The following PUDP variants were observed in gnomAD, a reference collection of about 807,000 sequenced individuals.
The protein encoded by PUDP is pseudouridine 5'-phosphatase.
A neutral mutation model predicts 9.4 loss-of-function variants in PUDP; 8 were observed. The ratio of observed to expected loss-of-function variants is 0.85; its 90% CI spans 0.50 to 1.53. PUDP has a LOEUF of 1.53. Ranked by LOEUF, PUDP falls within the 40% of genes most tolerant of loss-of-function variation. The probability of loss-of-function intolerance (pLI) is 0.00; values close to 1 mark genes in which losing one functional copy is unlikely to be tolerated. For synonymous variants in PUDP, 99 were observed against 80.7 expected (o/e 1.23, Z -1.22); for missense variants, 188 against 189.7 (o/e 0.99, Z 0.05).
intron 1 of PUDP, among the ~76,000 whole-genome samples, chrX:7,111,510 G>A (rs1333818114): frequency 1.8e-5 from 2 of 108,132 alleles, no homozygotes; most frequent in Non-Finnish European, 3.8e-5. Flanking sequence ...GGGGTGGGGC[G>A]GGGGGAGATG....
intron 3 of PUDP, among the ~76,000 whole-genome samples, chrX:7,075,836 G>A (rs1370991382): frequency 9.0e-6 from 1 of 111,709 alleles, no homozygotes; most frequent in Non-Finnish European, 1.9e-5. Context: ...GTATGAAAGT[G>A]TTTTCCTGAG....
At chrX:6,833,848 C>T (rs754187544) in intron 3 of PUDP, among the ~76,000 whole-genome samples, 1 of 111,899 alleles carries the variant, frequency 8.9e-6, no homozygotes. Flanking sequence ...TTTCCATGAG[C>T]CTGACCCATA....
At chrX:7,100,336 C>T (rs1931695747) in intron 2 of PUDP, among the ~76,000 whole-genome samples, 1 of 111,140 alleles carries the variant, frequency 9.0e-6, no homozygotes, top group Admixed American at 9.6e-5. Context: ...GGTAATCTAC[C>T]ATTCACTCCG....
intron 1 of PUDP, among the ~76,000 whole-genome samples, chrX:6,990,399 C>T (rs377537582): frequency 8.9e-6 from 1 of 111,978 alleles, no homozygotes; most frequent in East Asian, 2.8e-4. Flanking sequence ...AGGGCCATGT[C>T]TTTTCTTGGG....
intron 1 of PUDP, among the ~76,000 whole-genome samples, chrX:7,006,731 A>T (rs1929408396): frequency 9.0e-6 from 1 of 111,459 alleles, no homozygotes; most frequent in Admixed American, 9.5e-5. Flanking sequence ...CAAAGGGTCC[A>T]GGAGCAAGAA....
At chrX:6,946,686 C>T (rs1486177817) in intron 3 of PUDP, among the ~76,000 whole-genome samples, 1 of 107,756 alleles carries the variant, frequency 9.3e-6, no homozygotes, top group Non-Finnish European at 1.9e-5. Flanking sequence ...GTGTATTATA[C>T]AGAAAGACGT....
chrX:6,809,009 C>T (rs189972626), intron 3 of PUDP, among the ~76,000 whole-genome samples: 5 of 111,678 alleles, frequency 4.5e-5, no homozygotes, highest in Non-Finnish European at 7.5e-5. Context: ...GGGCTGGACA[C>T]GTGTGTTTGG....
intron 1 of PUDP, among the ~76,000 whole-genome samples, chrX:7,007,272 G>A (rs1172262604): frequency 8.9e-6 from 1 of 111,905 alleles, no homozygotes; most frequent in Admixed American, 9.5e-5. Context: ...ATTGTCTGAT[G>A]GTGATGTGGT....
At position 6,822,862 on chromosome X, in the gene PUDP, C is replaced by T. The variant is rs749879291; in HGVS notation, c.*248-116396G>A. On this transcript the variant is annotated intron_variant and NMD_transcript_variant, in intron 3 of 3. Transcript: ENST00000655425. ...TGCTCCTCTGCTTCCTCTCACCCTC[C>T]ACTCTCAGGTAGACCCCAGTTCCCT... 3.6e-5 allele frequency among the ~76,000 whole-genome samples: 4 copies of T among 110,102 alleles called. No homozygotes were observed. In the South Asian group the frequency reaches 1.6e-3, roughly 43 times the overall value.
intron 1 of PUDP, among the ~76,000 whole-genome samples, chrX:6,712,429 C>T (rs899499215): frequency 6.2e-5 from 7 of 112,118 alleles, no homozygotes; most frequent in Non-Finnish European, 1.1e-4. Flanking sequence ...GGATTGCAGG[C>T]ATGAGCCACC....
chrX:7,074,586 C>A (rs1324984232), intron 3 of PUDP, among the ~76,000 whole-genome samples: 1 of 112,235 alleles, frequency 8.9e-6, no homozygotes, highest in Non-Finnish European at 1.9e-5. Flanking sequence ...ATACTCTGAT[C>A]GCTTCTGGGA....
intron 3 of PUDP, among the ~76,000 whole-genome samples, chrX:6,738,652 G>T (rs1236831158): frequency 9.0e-6 from 1 of 111,403 alleles, no homozygotes; most frequent in Non-Finnish European, 1.9e-5. Context: ...ATTTTGGGTT[G>T]CAATAACCCA....
At chrX:7,022,252 T>A (rs1379820358) in intron 1 of PUDP, among the ~76,000 whole-genome samples, 3 of 111,843 alleles carry the variant, frequency 2.7e-5, no homozygotes, top group African/African-American at 9.8e-5. Context: ...TCAGAGCCCT[T>A]CTGTATGTGT....
At chrX:6,837,030 G>C (rs949395062) in intron 3 of PUDP, among the ~76,000 whole-genome samples, 4 of 112,357 alleles carry the variant, frequency 3.6e-5, no homozygotes, top group African/African-American at 1.3e-4. Context: ...ATGTGCATTT[G>C]GGCACCAATG....
chrX:6,817,823 T>A (rs1764078399), intron 3 of PUDP, among the ~76,000 whole-genome samples: 1 of 111,917 alleles, frequency 8.9e-6, no homozygotes, highest in East Asian at 2.8e-4. Context: ...ATGGCTCTTC[T>A]CATATCTCAT....
chrX:6,744,678 G>A (rs1040435040), intron 3 of PUDP, among the ~76,000 whole-genome samples: 4 of 111,118 alleles, frequency 3.6e-5, no homozygotes, highest in Non-Finnish European at 7.5e-5. Context: ...GGTCTCACAG[G>A]TATTTCCCAG....
At chrX:6,899,572 C>CA (rs1421582844) in intron 3 of PUDP, among the ~76,000 whole-genome samples, 7 of 110,618 alleles carry the variant, frequency 6.3e-5, no homozygotes, top group African/African-American at 2.3e-4. Flanking sequence ...GACTTTGTCC[C>CA]AAAAAAATTT....
intron 1 of PUDP, among the ~76,000 whole-genome samples, chrX:7,003,550 C>A (rs1418837662): frequency 8.9e-6 from 1 of 112,263 alleles, no homozygotes; most frequent in Admixed American, 9.4e-5. Flanking sequence ...AATTTTTCCA[C>A]CCTATTTTCA....
At chrX:6,996,979 T>C (rs1929261551) in intron 1 of PUDP, among the ~76,000 whole-genome samples, 2 of 111,019 alleles carry the variant, frequency 1.8e-5, no homozygotes, top group African/African-American at 6.6e-5. Context: ...CCTCCCATAA[T>C]TCTTTTACTT....
Sources: allele counts gnomAD v4.1 joint callset (sites outside exome capture counted in the v4.1 genomes callset), GRCh38; gene constraint gnomAD v4.1.1; transcripts MANE v1.5; gene names NCBI Gene and HGNC (gene_info 2026-07-23, HGNC 2026-07-21).